The following VWA3B variants were observed in gnomAD, a reference collection of about 807,000 sequenced individuals.
The protein encoded by VWA3B is von Willebrand factor A domain containing 3B, also known as von Willebrand factor A domain-containing protein 3B.
VWA3B carries 138 observed loss-of-function variants against 158.3 expected under a neutral mutation model. The observed-to-expected ratio is 0.87, with a 90% CI of 0.76 to 1.00. VWA3B has a LOEUF of 1.00. VWA3B is among the 50% of genes least tolerant of loss of function. The pLI is 0.00. For missense variants in VWA3B, 1,555 were observed against 1,565.1 expected (o/e 0.99, Z 0.11); for synonymous variants, 596 against 587.3 (o/e 1.01, Z -0.21).
At chr2:98,323,632 C>T in the VWA3B span, among the ~76,000 whole-genome samples, 1 of 152,132 alleles carries the variant, frequency 6.6e-6, no homozygotes, top group Non-Finnish European at 1.5e-5. Flanking sequence ...TACTCCTACA[C>T]ACATCATAGT....
At chr2:98,141,691 C>G (rs1442852694) in intron 7 of VWA3B, among the ~76,000 whole-genome samples, 1 of 152,198 alleles carries the variant, frequency 6.6e-6, no homozygotes, top group African/African-American at 2.4e-5. Flanking sequence ...TAAGCAAACT[C>G]TCAAGTGGCC....
intron 16 of VWA3B, among the ~76,000 whole-genome samples, chr2:98,233,373 G>A (rs1166930103): frequency 6.6e-6 from 1 of 152,138 alleles, no homozygotes; most frequent in East Asian, 1.9e-4. Context: ...TGTGGCCTTT[G>A]GGAATGGTAT....
chr2:98,304,675 T>C (rs528930848), intron 26 of VWA3B, among the ~76,000 whole-genome samples: 4 of 152,252 alleles, frequency 2.6e-5, no homozygotes, highest in African/African-American at 7.2e-5. Flanking sequence ...GATCTGTCCA[T>C]TGGGCTCCAG....
chr2:98,203,907 G>A (rs757103839), intron 12 of VWA3B, among the ~76,000 whole-genome samples: 13 of 152,058 alleles, frequency 8.5e-5, no homozygotes, highest in Non-Finnish European at 1.8e-4. Flanking sequence ...AAAATAAATG[G>A]TAAAAATCAT....
chr2:98,135,582 G>A (rs542805289), intron 7 of VWA3B, among the ~76,000 whole-genome samples: 8 of 151,818 alleles, frequency 5.3e-5, no homozygotes, highest in East Asian at 1.9e-4. Flanking sequence ...TGATCCGCCC[G>A]CCTCGGCCTC....
intron 2 of VWA3B, among the ~76,000 whole-genome samples, chr2:98,102,124 C>CACCGCCCTT (rs560693232): frequency 2.1e-5 from 2 of 95,256 alleles, no homozygotes; most frequent in South Asian, 2.8e-4. Context: ...GCACATCTTG[C>CACCGCCCTT]ACTGCCCTTA....
the VWA3B span, among the ~76,000 whole-genome samples, chr2:98,321,450 C>T: frequency 0.19 from 29,433 of 152,174 alleles, 3,014 homozygotes; most frequent in Admixed American, 0.29. Flanking sequence ...CACTCAATAC[C>T]AGCCATAAAA....
At position 98,119,618 on chromosome 2, in the gene VWA3B, A is replaced by G. The variant is rs202049427; in HGVS notation, c.397A>G (p.Ile133Val). The change falls in exon 4 of 28, where the codon ATT (isoleucine) becomes GTT (valine). Residue 133 changes from isoleucine (I) to valine (V), a missense_variant. Physicochemically the swap from Ile to Val is conservative, Grantham distance 29. Transcript: ENST00000477737. ...CTGGCTCACCAGCAAGAGCCGGCAG[A>G]TTTTTGGTGTCATCTTGGAACAGTG... ...MDWLTSKSRQ[I>V]FGVILEQCVT... 5.0e-6 allele frequency: 8 copies of G among 1,613,958 alleles called. No homozygotes were observed. Among genetic ancestry groups the G allele is most frequent in the Non-Finnish European group, 5.9e-6 (7 of 1,180,026 alleles).
At chr2:98,108,781 T>A (rs200806125) in intron 2 of VWA3B, among the ~76,000 whole-genome samples, 1 of 152,010 alleles carries the variant, frequency 6.6e-6, no homozygotes, top group East Asian at 1.9e-4. Context: ...TGAGTCTTTT[T>A]AAAAAAATCC....
At chr2:98,145,912 T>C (rs533935164) in intron 7 of VWA3B, among the ~76,000 whole-genome samples, 1 of 152,036 alleles carries the variant, frequency 6.6e-6, no homozygotes, top group African/African-American at 2.4e-5. Flanking sequence ...GAGATTAGGG[T>C]TGGGTTTTGG....
chr2:98,219,648 T>C (rs1684320789), intron 14 of VWA3B, among the ~76,000 whole-genome samples: 1 of 152,076 alleles, frequency 6.6e-6, no homozygotes, highest in South Asian at 2.1e-4. Flanking sequence ...AGAATCAAAC[T>C]TTCCAGAAGC....
chr2:98,210,450 G>A (rs1386602649), intron 12 of VWA3B, among the ~76,000 whole-genome samples: 3 of 152,150 alleles, frequency 2.0e-5, no homozygotes, highest in East Asian at 3.9e-4. Context: ...AATTTTGTCT[G>A]GTTTTGTAGG....
chr2:98,218,003 A>G lies in VWA3B; in HGVS notation c.1994A>G (p.Asp665Gly). Residue 665 changes from aspartate (D) to glycine (G), a missense_variant, in exon 14 of 28, where the codon GAT becomes GGT. By Grantham distance (94) the Asp-to-Gly change is moderately conservative. Coordinates refer to ENST00000477737, the MANE Select transcript of VWA3B (RefSeq NM_144992.5). ...EFHFYNFGCKDPTPPEAVQNE... is the reference protein window; with the variant it reads ...EFHFYNFGCKGPTPPEAVQNE... ...CATTTTTATAATTTTGGTTGCAAGG[A>G]TCCCACTCCCCCAGAGGCTGTTCAG... The G allele has an allele frequency of 6.2e-7, 1 of 1,611,954 alleles. No homozygotes were observed.
At chr2:98,141,939 G>A (rs1236104734) in intron 7 of VWA3B, among the ~76,000 whole-genome samples, 1 of 152,154 alleles carries the variant, frequency 6.6e-6, no homozygotes, top group African/African-American at 2.4e-5. Context: ...GGCCCCCTAA[G>A]TGGCAGATTT....
chr2:98,171,593 G>A (rs904535428), intron 8 of VWA3B, among the ~76,000 whole-genome samples: 2 of 152,086 alleles, frequency 1.3e-5, no homozygotes, highest in South Asian at 2.1e-4. Context: ...TGGAGGCCGC[G>A]GTACAGGGGT....
At chr2:98,328,003 C>T in the VWA3B span, among the ~76,000 whole-genome samples, 1 of 152,102 alleles carries the variant, frequency 6.6e-6, no homozygotes, top group African/African-American at 2.4e-5. Flanking sequence ...GCAACATCAC[C>T]AAGGCACCTG....
chr2:98,115,101 C>CTTTTTTTTTTTTTTTTTATTTTTTTTGT (rs1674422808), intron 2 of VWA3B, among the ~76,000 whole-genome samples: 1 of 131,644 alleles, frequency 7.6e-6, no homozygotes. Flanking sequence ...TCCTATGTTG[C>CTTTTTTTTTTTTTTTTTATTTTTTTTGT]TTTTTTTTTT....
intron 13 of VWA3B, among the ~76,000 whole-genome samples, chr2:98,216,064 C>A (rs1027254545): frequency 6.6e-6 from 1 of 152,154 alleles, no homozygotes; most frequent in Non-Finnish European, 1.5e-5. Context: ...AAATATTCAG[C>A]AGAATTTTCT....
At chr2:98,259,798 C>T (rs556851753) in intron 21 of VWA3B, among the ~76,000 whole-genome samples, 1 of 151,508 alleles carries the variant, frequency 6.6e-6, no homozygotes, top group Admixed American at 6.6e-5. Flanking sequence ...GTTTTCCCTC[C>T]TTTTTCTAGG....
Sources: allele counts gnomAD v4.1 joint callset (sites outside exome capture counted in the v4.1 genomes callset), GRCh38; gene constraint gnomAD v4.1.1; transcripts MANE v1.5; gene names NCBI Gene and HGNC (gene_info 2026-07-23, HGNC 2026-07-21).